MAGI1: variants seen among roughly 807,000 people sequenced by gnomAD.
MAGI1 encodes the protein membrane-associated guanylate kinase, WW and PDZ domain-containing protein 1.
MAGI1 carries 58 observed loss-of-function variants against 139.9 expected under a neutral mutation model. That is an observed-to-expected ratio of 0.41 (90% CI 0.34 to 0.52). The LOEUF (loss-of-function observed/expected upper bound fraction) is 0.52. MAGI1 is among the 20% of genes least tolerant of loss of function. The pLI is 0.12. For missense variants in MAGI1, 1,874 were observed against 1,901.6 expected (o/e 0.99, Z 0.27); for synonymous variants, 812 against 737.9 (o/e 1.10, Z -1.63).
At chr3:65,985,469 A>G (rs2065833837) in intron 1 of MAGI1, among the ~76,000 whole-genome samples, 1 of 152,200 alleles carries the variant, frequency 6.6e-6, no homozygotes, top group Admixed American at 6.5e-5. Flanking sequence ...GCAATTGAGA[A>G]AAGCTGGAAA....
intron 4 of MAGI1, among the ~76,000 whole-genome samples, chr3:65,474,208 T>A (rs1195921266): frequency 6.6e-6 from 1 of 152,146 alleles, no homozygotes; most frequent in African/African-American, 2.4e-5. Context: ...GAAGCTGCAG[T>A]GAGCTGTGAT....
At chr3:66,024,621 A>T (rs1219457885) in intron 1 of MAGI1, among the ~76,000 whole-genome samples, 1 of 152,178 alleles carries the variant, frequency 6.6e-6, no homozygotes, top group East Asian at 1.9e-4. Context: ...AGCCTGGCCA[A>T]CATGGTGAAA....
intron 12 of MAGI1, among the ~76,000 whole-genome samples, chr3:65,427,479 C>G (rs566664344): frequency 1.3e-5 from 2 of 152,066 alleles, no homozygotes; most frequent in African/African-American, 4.8e-5. Context: ...GATAATAAAC[C>G]ACATCAATAA....
intron 5 of MAGI1, among the ~76,000 whole-genome samples, chr3:65,469,483 G>A (rs1329936820): frequency 6.6e-6 from 1 of 150,460 alleles, no homozygotes; most frequent in African/African-American, 2.4e-5. Context: ...TCAAATGTCG[G>A]CTTTTTTTTT....
chr3:65,429,514 A>G lies in MAGI1; in HGVS notation c.2167+6T>C. On this transcript the variant is annotated splice_donor_region_variant and intron_variant, in intron 12 of 22. Coordinates refer to ENST00000402939, the MANE Select transcript of MAGI1 (RefSeq NM_001033057.2). ...AAAATTCAAAGAACAAAACAACCCT[A>G]CTTACCTCCTCGTTGCACCAACAAT... 1.9e-6 allele frequency: 3 copies of G among 1,601,976 alleles called. No homozygotes were observed. Among genetic ancestry groups the G allele is most frequent in the Non-Finnish European group, 2.6e-6 (3 of 1,172,762 alleles).
chr3:65,685,670 C>T (rs918200632), intron 1 of MAGI1, among the ~76,000 whole-genome samples: 1 of 152,086 alleles, frequency 6.6e-6, no homozygotes, highest in African/African-American at 2.4e-5. Context: ...CTACATATTG[C>T]TATTTTCATT....
intron 2 of MAGI1, among the ~76,000 whole-genome samples, chr3:65,497,810 G>C (rs1952558734): frequency 1.3e-5 from 2 of 152,136 alleles, no homozygotes; most frequent in South Asian, 2.1e-4. Flanking sequence ...CATTTCAGCA[G>C]AAACATGAAA....
At chr3:65,743,603 G>A (rs1232098458) in intron 1 of MAGI1, among the ~76,000 whole-genome samples, 5 of 151,996 alleles carry the variant, frequency 3.3e-5, no homozygotes, top group Admixed American at 6.6e-5. Flanking sequence ...CAGCTTACTC[G>A]GGAGGCTGAG....
intron 1 of MAGI1, among the ~76,000 whole-genome samples, chr3:65,794,567 G>A (rs2039996582): frequency 6.6e-6 from 1 of 152,084 alleles, no homozygotes; most frequent in Admixed American, 6.6e-5. Flanking sequence ...AAAGCAGCTG[G>A]TGTCAATGGT....
intron 1 of MAGI1, among the ~76,000 whole-genome samples, chr3:65,734,747 G>A (rs1282160346): frequency 2.0e-5 from 3 of 151,974 alleles, no homozygotes; most frequent in South Asian, 2.1e-4. Flanking sequence ...AACAATAAGC[G>A]AGTCCTCTTG....
At chr3:65,599,752 G>A (rs1483608116) in intron 2 of MAGI1, among the ~76,000 whole-genome samples, 1 of 152,068 alleles carries the variant, frequency 6.6e-6, no homozygotes, top group African/African-American at 2.4e-5. Context: ...TACTACTGAG[G>A]GGACCTGCAA....
At chr3:66,024,329 A>G (rs2068117293) in intron 1 of MAGI1, among the ~76,000 whole-genome samples, 1 of 150,874 alleles carries the variant, frequency 6.6e-6, no homozygotes, top group Non-Finnish European at 1.5e-5. Context: ...AAAAAAAAAA[A>G]AAAAAAAAAG....
At position 65,356,348 on chromosome 3, in the gene MAGI1, A is replaced by G. The variant is rs566838271; in HGVS notation, c.*30T>C. 1.1e-4 allele frequency: 168 copies of G among 1,521,316 alleles called. No homozygotes were observed. The highest frequency in any genetic ancestry group is 5.8e-4 in the South Asian group (45 of 77,372). The allele number at this position is 1,521,316 out of a possible 1,614,324, so 94.2% of individuals were successfully genotyped here. On this transcript the variant is annotated 3_prime_UTR_variant, in exon 23 of 23. Transcript: ENST00000402939. ...TGACTTTCCTCTTAGAACCTTTGACACGGTAAAGGTTGGAATGTGACTCAG... is the reference window on the plus strand; with the variant it reads ...TGACTTTCCTCTTAGAACCTTTGACGCGGTAAAGGTTGGAATGTGACTCAG...
chr3:65,725,944 A>G (rs2033557651), intron 1 of MAGI1, among the ~76,000 whole-genome samples: 1 of 152,242 alleles, frequency 6.6e-6, no homozygotes, highest in African/African-American at 2.4e-5. Context: ...TAAAGGAAAG[A>G]AAGGGAAAAG....
chr3:65,593,774 G>C (rs1029044840), intron 2 of MAGI1, among the ~76,000 whole-genome samples: 3 of 152,194 alleles, frequency 2.0e-5, no homozygotes, highest in East Asian at 3.9e-4. Context: ...ATAGAAATAC[G>C]GGAAACATAT....
rs1214954267 is a variant in MAGI1 at position 65,544,894 on chromosome 3, A to ATT, written c.431-51264_431-51263insAA. ...GGTTATTTTGTAGATTAAGTAATAC[A>ATT]TGTGAGTGTGATTTATAAATATAAA... On this transcript the variant is annotated intron_variant, in intron 2 of 22. Coordinates refer to ENST00000402939, the MANE Select transcript of MAGI1 (RefSeq NM_001033057.2). Among the ~76,000 whole-genome samples, 3 of 152,238 alleles carry ATT rather than the reference A, an allele frequency of 2.0e-5. No individual in the cohort carries two copies. In the East Asian group the frequency reaches 5.8e-4, roughly 29 times the overall value.
At chr3:65,728,751 C>T (rs1052663855) in intron 1 of MAGI1, among the ~76,000 whole-genome samples, 1 of 152,130 alleles carries the variant, frequency 6.6e-6, no homozygotes. Context: ...GTCTAGGACA[C>T]CACTATTCTT....
At chr3:65,866,104 A>G (rs1246608504) in intron 1 of MAGI1, among the ~76,000 whole-genome samples, 1 of 151,864 alleles carries the variant, frequency 6.6e-6, no homozygotes, top group African/African-American at 2.4e-5. Context: ...CATGCAATAT[A>G]TAAATACATT....
intron 1 of MAGI1, among the ~76,000 whole-genome samples, chr3:65,963,698 T>C (rs894574089): frequency 3.3e-5 from 5 of 152,180 alleles, no homozygotes; most frequent in African/African-American, 9.6e-5. Context: ...TCTTATATGA[T>C]TTTAAAAGGG....
Sources: allele counts gnomAD v4.1 joint callset (sites outside exome capture counted in the v4.1 genomes callset), GRCh38; gene constraint gnomAD v4.1.1; transcripts MANE v1.5; gene names NCBI Gene and HGNC (gene_info 2026-07-23, HGNC 2026-07-21).